The following TMC2 variants were observed in gnomAD, a reference collection of about 807,000 sequenced individuals.
TMC2 encodes the protein transmembrane channel-like protein 2.
In TMC2, 102 loss-of-function variants were observed where a neutral mutation model predicts 105.9. The observed-to-expected ratio is 0.96, with a 90% CI of 0.82 to 1.14. TMC2 has a LOEUF of 1.14. Among genes scored for constraint, TMC2 ranks in the 50% most tolerant of loss-of-function variants. The pLI is 0.00. For missense variants in TMC2, 1,093 were observed against 1,134.3 expected (o/e 0.96, Z 0.52); for synonymous variants, 402 against 422.8 (o/e 0.95, Z 0.60).
At chr20:2,638,660 C>T (rs1048456299) in intron 19 of TMC2, among the ~76,000 whole-genome samples, 1 of 152,060 alleles carries the variant, frequency 6.6e-6, no homozygotes, top group Non-Finnish European at 1.5e-5. Flanking sequence ...TTGATGATCC[C>T]AACCCTTTGT....
rs139754635 is a variant in TMC2, at chr20:2,606,407, G to A, written c.1414-4012G>A. On this transcript the variant is annotated intron_variant, in intron 11 of 19. Transcript: ENST00000358864. ...CCTGAGTAACTGGGATTACAGGCAC[G>A]CATCACCATGCCTGGCTAATTTTTG... 7.9e-4 allele frequency among the ~76,000 whole-genome samples: 120 copies of A among 152,160 alleles called. 2 individuals carry two copies. In the East Asian group the frequency reaches 0.013, roughly 16 times the overall value.
intron 2 of TMC2, among the ~76,000 whole-genome samples, chr20:2,542,845 C>T (rs1176650634): frequency 1.3e-5 from 2 of 151,712 alleles, no homozygotes; most frequent in Non-Finnish European, 2.9e-5. Context: ...GCGAGCACTA[C>T]CACGCTTGGC....
At chr20:2,573,403 T>A (rs1257392849) in intron 5 of TMC2, among the ~76,000 whole-genome samples, 1 of 152,148 alleles carries the variant, frequency 6.6e-6, no homozygotes, top group Non-Finnish European at 1.5e-5. Context: ...TTTCTGCACA[T>A]TTGATAGCCT....
chr20:2,582,005 AGAG>A (rs1308090083), intron 7 of TMC2, among the ~76,000 whole-genome samples: 1 of 152,102 alleles, frequency 6.6e-6, no homozygotes, highest in African/African-American at 2.4e-5. Flanking sequence ...TTTGCTGGAA[AGAG>A]GAGCCTTGGC....
chr20:2,575,859 T>G (rs1555773084), intron 5 of TMC2, among the ~76,000 whole-genome samples: 2 of 152,236 alleles, frequency 1.3e-5, no homozygotes, highest in Non-Finnish European at 2.9e-5. Flanking sequence ...TTTTGTCTAA[T>G]GTTTTTTTCA....
chr20:2,619,818 T>C (rs1336614881), intron 16 of TMC2, among the ~76,000 whole-genome samples: 2 of 152,176 alleles, frequency 1.3e-5, no homozygotes, highest in South Asian at 2.1e-4. Context: ...GCCCCCTTTT[T>C]CTCAGCTTCC....
intron 13 of TMC2, 96 bp from the exon 14 acceptor site, chr20:2,613,098 G>C (rs1461723829): frequency 4.7e-6 from 7 of 1,481,936 alleles, no homozygotes; most frequent in East Asian, 2.3e-5. Context: ...TCAGGTGGGT[G>C]GGGGAGAGTT....
intron 2 of TMC2, among the ~76,000 whole-genome samples, chr20:2,554,644 A>C (rs1228106385): frequency 3.3e-5 from 5 of 152,188 alleles, no homozygotes; most frequent in Non-Finnish European, 7.3e-5. Context: ...ATTTTCATTT[A>C]AATGTAGTCC....
chr20:2,547,943 T>A (rs2085934525), intron 2 of TMC2, among the ~76,000 whole-genome samples: 1 of 152,230 alleles, frequency 6.6e-6, no homozygotes, highest in Admixed American at 6.5e-5. Flanking sequence ...AACTAGGCAT[T>A]TTACTTTAGG....
intron 7 of TMC2, among the ~76,000 whole-genome samples, chr20:2,581,919 G>A (rs938420439): frequency 6.6e-6 from 1 of 152,180 alleles, no homozygotes; most frequent in African/African-American, 2.4e-5. Context: ...TCGTGCTAGA[G>A]AACCTTGATT....
At chr20:2,585,789 G>A (rs1711703529) in intron 7 of TMC2, among the ~76,000 whole-genome samples, 1 of 152,168 alleles carries the variant, frequency 6.6e-6, no homozygotes, top group Admixed American at 6.5e-5. Context: ...CTCATAAGGT[G>A]GCAGCTTTCT....
chr20:2,608,430 T>A (rs2146233170), intron 11 of TMC2, among the ~76,000 whole-genome samples: 1 of 151,908 alleles, frequency 6.6e-6, no homozygotes. Context: ...CAGGTTCAAG[T>A]GATTCTCTTG....
chr20:2,620,228 T>C (rs1428404631), intron 16 of TMC2, among the ~76,000 whole-genome samples: 5 of 152,216 alleles, frequency 3.3e-5, no homozygotes, highest in Admixed American at 2.6e-4. Flanking sequence ...GTTGAGTAAG[T>C]AACTGATAAA....
At chr20:2,559,404 G>T (rs1052157100) in intron 3 of TMC2, among the ~76,000 whole-genome samples, 3 of 152,178 alleles carry the variant, frequency 2.0e-5, no homozygotes, top group Non-Finnish European at 4.4e-5. Context: ...CCAGCTTATG[G>T]CATCAGAAAG....
chr20:2,579,248 G>A, intron 6 of TMC2, 21 bp downstream of exon 6: 2 of 1,477,662 alleles, frequency 1.4e-6, no homozygotes, highest in Non-Finnish European at 1.9e-6. Context: ...TGGTGTCACT[G>A]TTTTTTTAAT....
chr20:2,639,531 G>A (rs1210083777), intron 19 of TMC2, among the ~76,000 whole-genome samples: 1 of 152,212 alleles, frequency 6.6e-6, no homozygotes, highest in Non-Finnish European at 1.5e-5. Flanking sequence ...TGTATAACAG[G>A]CCATGCCGTC....
chr20:2,587,568 T>C (rs2146206202), intron 7 of TMC2, among the ~76,000 whole-genome samples: 1 of 152,228 alleles, frequency 6.6e-6, no homozygotes, highest in African/African-American at 2.4e-5. Context: ...TTGTGTAAAT[T>C]TTCCTGTGGT....
intron 2 of TMC2, among the ~76,000 whole-genome samples, chr20:2,549,395 C>T (rs1001953951): frequency 3.3e-5 from 5 of 152,126 alleles, no homozygotes; most frequent in African/African-American, 7.2e-5. Flanking sequence ...TAAATGAGCT[C>T]TTTTATTTTG....
chr20:2,642,360 G>T lies in TMC2; in HGVS notation c.*1009G>T, dbSNP rs6050812. ...GCTTACACCATGGAGCACAAAACAG[G>T]GAGTGAAAACAGTGAATCACAGGAG... On this transcript the variant is annotated 3_prime_UTR_variant, in exon 20 of 20. Coordinates refer to ENST00000358864, the MANE Select transcript of TMC2 (RefSeq NM_080751.3). Among the ~76,000 whole-genome samples the T allele has an allele frequency of 1.7e-3, 260 of 152,262 alleles. No homozygotes were observed. The highest frequency in any genetic ancestry group is 5.7e-3 in the African/African-American group (235 of 41,556).
Sources: allele counts gnomAD v4.1 joint callset (sites outside exome capture counted in the v4.1 genomes callset), GRCh38; gene constraint gnomAD v4.1.1; transcripts MANE v1.5; gene names NCBI Gene and HGNC (gene_info 2026-07-23, HGNC 2026-07-21).